The following GAMT variants were observed in gnomAD, a reference collection of about 807,000 sequenced individuals.
GAMT encodes the protein guanidinoacetate N-methyltransferase.
GAMT carries 26 observed loss-of-function variants against 26.9 expected under a neutral mutation model. The ratio of observed to expected loss-of-function variants is 0.97; its 90% confidence interval spans 0.71 to 1.34. The LOEUF is 1.34. Among genes scored for constraint, GAMT ranks in the 40% most tolerant of loss-of-function variants. The pLI, the probability that GAMT is intolerant of heterozygous loss-of-function variation, is 0.00. For missense variants in GAMT, 412 were observed against 345.0 expected (o/e 1.19, Z -1.54); for synonymous variants, 169 against 149.6 (o/e 1.13, Z -0.95).
In GAMT at chr19:1,397,534, C is replaced by T. The variant is rs547865562; in HGVS notation, c.571-35G>A. On this transcript the variant is annotated intron_variant, in intron 5 of 5. Coordinates refer to ENST00000252288, the MANE Select transcript of GAMT (RefSeq NM_000156.6). Reference sequence around the variant, plus strand: ...GATGGCACCAGGTCACCTCTGAGGGCCATGGGGGTCACGTGCACCCTGGCG... The same window carrying T: ...GATGGCACCAGGTCACCTCTGAGGGTCATGGGGGTCACGTGCACCCTGGCG... 7.2e-5 allele frequency: 115 copies of T among 1,598,448 alleles called. No individual in the cohort carries two copies. In the South Asian group the frequency reaches 1.2e-3, roughly 16 times the overall value.
rs1286375433 is a variant in GAMT, at chr19:1,397,099, C to CTGGCCAAG, written c.*252_*259dup. On this transcript the variant is annotated 3_prime_UTR_variant, in exon 6 of 6. Coordinates refer to ENST00000252288, the MANE Select transcript of GAMT (RefSeq NM_000156.6). ...GTAACAGTCGCACGCTCACTGCCGACTGGCCAAGCCCAGCGCCGGCGTTTA... is the reference window on the plus strand; with the variant it reads ...GTAACAGTCGCACGCTCACTGCCGACTGGCCAAGTGGCCAAGCCCAGCGCCGGCGTTTA... 2.0e-6 allele frequency: 1 copy of CTGGCCAAG among 509,330 alleles called. No homozygotes were observed. The highest frequency in any genetic ancestry group is 3.5e-6 in the Non-Finnish European group (1 of 281,876). 31.6% of individuals were successfully genotyped at this position (509,330 alleles called of 1,614,324 possible).
At position 1,399,865 on chromosome 19, in the gene GAMT, C is replaced by T. The variant is rs754410959; in HGVS notation, c.255G>A (p.Glu85=). 1 of 1,604,014 alleles carries T rather than the reference C, an allele frequency of 6.2e-7. No homozygotes were observed. The highest frequency in any genetic ancestry group is 1.1e-5 in the South Asian group (1 of 89,238). The change falls in exon 2 of 6, where the codon GAG becomes GAA. Residue 85 remains glutamate (E), a synonymous_variant. Coordinates refer to ENST00000252288, the MANE Select transcript of GAMT (RefSeq NM_000156.6). This position sits in a 1 kb window ranked among gnomAD's most constrained non-coding sequence, Gnocchi z 6.2. ...CGTCATTGCACTCGATGATCCAATG[C>T]TCATCAATGGGCGCCTCCTGCACCT... is the stretch of plus-strand genomic sequence containing the variant. ...ASKVQEAPID[E]HWIIECNDGV...
At chr19:1,398,079 G>A in intron 5 of GAMT, 2 of 996,560 alleles carry the variant, frequency 2.0e-6, no homozygotes, top group South Asian at 4.4e-5. Flanking sequence ...AGCTGGTGAG[G>A]GACTTTGATT....
In GAMT at chr19:1,397,410, G is replaced by A; in HGVS notation, c.660C>T (p.Cys220=). 6.2e-7 allele frequency: 1 copy of A among 1,611,722 alleles called. No homozygotes were observed. The highest frequency in any genetic ancestry group is 8.5e-7 in the Non-Finnish European group (1 of 1,179,814). ...TCATCTGTGGGAAGGCGTAGTAGCG[G>A]CAGTCGGCCGGTGGGACCAGCGCCA... The part of the protein sequence containing the change: ...EVMALVPPAD[C]RYYAFPQMIT... Residue 220 remains cysteine, a synonymous_variant, in exon 6 of 6, where the codon TGC becomes TGT. Transcript: ENST00000252288.
At position 1,399,717 on chromosome 19, in the gene GAMT, G is replaced by C; in HGVS notation, c.327+76C>G. 6.5e-7 allele frequency: 1 copy of C among 1,529,704 alleles called. No individual in the cohort carries two copies. Among genetic ancestry groups the C allele is most frequent in the Non-Finnish European group, 8.8e-7 (1 of 1,138,242 alleles). 94.8% of individuals were successfully genotyped at this position (1,529,704 alleles called of 1,614,324 possible). ...ACCTCCTCCACCTCTGACAGCCCCAGGCCCCCAACCCCCAGGAAGCAGTGC... is the reference window on the plus strand; with the variant it reads ...ACCTCCTCCACCTCTGACAGCCCCACGCCCCCAACCCCCAGGAAGCAGTGC... On this transcript the variant is annotated intron_variant, in intron 2 of 5. Transcript: ENST00000252288. The surrounding 1 kb of genome is among the most constrained non-coding windows in gnomAD (Gnocchi z 6.2).
intron 1 of GAMT, among the ~76,000 whole-genome samples, chr19:1,400,199 A>G (rs573575891): frequency 9.1e-5 from 8 of 87,590 alleles, no homozygotes; most frequent in African/African-American, 4.5e-4. Flanking sequence ...GGAGGAGGGG[A>G]TGCAGGGCTG....
At chr19:1,397,629 G>C in intron 5 of GAMT, 130 bp from the exon 6 acceptor site, 1 of 1,454,366 alleles carries the variant, frequency 6.9e-7, no homozygotes, top group Non-Finnish European at 9.3e-7. Flanking sequence ...CCGTGGGCAC[G>C]TGGCAGGGCA....
Position 1,397,104 on chromosome 19 carries a change from C to T in GAMT, c.*255G>A, listed in dbSNP as rs562676381. ...AGTCGCACGCTCACTGCCGACTGGC[C>T]AAGCCCAGCGCCGGCGTTTACTTCA... On this transcript the variant is annotated 3_prime_UTR_variant, in exon 6 of 6. Transcript: ENST00000252288. 1 of 520,960 alleles carries T rather than the reference C, an allele frequency of 1.9e-6. No individual in the cohort carries two copies. Among genetic ancestry groups the T allele is most frequent in the African/African-American group, 1.9e-5 (1 of 52,622 alleles). 32.3% of individuals were successfully genotyped at this position (520,960 alleles called of 1,614,324 possible). A position where few individuals can be genotyped will look rare whatever the true frequency, so the allele number is the denominator to read the frequency against.
In GAMT at chr19:1,397,297, C is replaced by G. The variant is rs1024097269; in HGVS notation, c.*62G>C. On this transcript the variant is annotated 3_prime_UTR_variant, in exon 6 of 6. Coordinates refer to ENST00000252288, the MANE Select transcript of GAMT (RefSeq NM_000156.6). Reference sequence around the variant, plus strand: ...ATCAGCCCAGGGCTGGTGCGACACCCTGGACTCCCGGCCAGGAAGGCACGG... The same window carrying G: ...ATCAGCCCAGGGCTGGTGCGACACCGTGGACTCCCGGCCAGGAAGGCACGG... 1 of 1,553,624 alleles carries G rather than the reference C, an allele frequency of 6.4e-7. No individual in the cohort carries two copies. The highest frequency in any genetic ancestry group is 1.2e-5 in the South Asian group (1 of 86,396).
chr19:1,401,260 C>A (rs1180359624), intron 1 of GAMT, 36 bp downstream of exon 1: 2 of 1,396,100 alleles, frequency 1.4e-6, no homozygotes, highest in Non-Finnish European at 1.9e-6. Context: ...GTTTCCCCTG[C>A]GCCCCCGGGG....
In GAMT at chr19:1,399,692, A is replaced by G; in HGVS notation, c.327+101T>C. 6.6e-7 allele frequency: 1 copy of G among 1,518,572 alleles called. No individual in the cohort carries two copies. The highest frequency in any genetic ancestry group is 1.4e-5 in the African/African-American group (1 of 72,362). The allele number at this position is 1,518,572 out of a possible 1,614,324, so 94.1% of individuals were successfully genotyped here. ...AGGGGGACTCCCGAGAGAGAAGACC[A>G]CCTCCTCCACCTCTGACAGCCCCAG... On this transcript the variant is annotated intron_variant, in intron 2 of 5. Transcript: ENST00000252288. The surrounding 1 kb of genome is among the most constrained non-coding windows in gnomAD (Gnocchi z 6.2).
Sources: gnomAD v4.1 joint callset for allele counts (sites outside exome capture counted in the v4.1 genomes callset) on GRCh38, gnomAD v4.1.1 for gene constraint, Gnocchi (gnomAD v3.1) non-coding constraint, MANE v1.5 for transcripts, NCBI Gene and HGNC (gene_info 2026-07-23, HGNC 2026-07-21) for gene names.